Variants in TRIP10 observed in about 807,000 individuals in gnomAD.
The protein encoded by TRIP10 is thyroid hormone receptor interactor 10.
A neutral mutation model predicts 80.9 loss-of-function variants in TRIP10; 54 were observed. That is an observed-to-expected ratio of 0.67 (90% CI 0.54 to 0.84). The LOEUF is 0.84. Among genes scored for constraint, TRIP10 ranks in the 40% least tolerant of loss-of-function variants. The probability of loss-of-function intolerance (pLI) is 0.00; values close to 1 mark genes in which losing one functional copy is unlikely to be tolerated. For synonymous variants in TRIP10, 321 were observed against 307.2 expected, an observed-to-expected ratio of 1.04 and a Z score of -0.47; for missense variants, 773 against 815.3, an observed-to-expected ratio of 0.95 and a Z score of 0.63.
Position 6,746,033 on chromosome 19 carries a change from GCCCCCCACCCCTCT to G in TRIP10, c.996_1009del (p.Pro333GlyfsTer10). On this transcript the variant is annotated frameshift_variant, in exon 10 of 15. Coordinates refer to ENST00000313244, the MANE Select transcript of TRIP10 (RefSeq NM_001288962.2). LOFTEE classifies it high-confidence loss of function. The surrounding 1 kb of genome is among the most constrained non-coding windows in gnomAD (Gnocchi z 6.2). The stretch of plus-strand genomic sequence containing the variant: ...CTCCCCGGCCCCCGCCGGTAGCCTC[GCCCCCCACCCCTCT>G]CCCCCCTGGGGGGCCCCGTACCCTC... 1 of 638,562 alleles carries G rather than the reference GCCCCCCACCCCTCT, an allele frequency of 1.6e-6. No homozygotes were observed. Among genetic ancestry groups the G allele is most frequent in the South Asian group, 6.2e-5 (1 of 16,180 alleles). 39.6% of individuals were successfully genotyped at this position (638,562 alleles called of 1,614,324 possible).
chr19:6,741,154 G>A (rs748617146), intron 2 of TRIP10, 29 bp downstream of exon 2: 5 of 1,613,964 alleles, frequency 3.1e-6, no homozygotes, highest in South Asian at 1.1e-5. Context: ...CGCTACGGAG[G>A]ACGCGCCTGG....
In TRIP10 at chr19:6,743,506, T is replaced by C; in HGVS notation, c.421T>C (p.Phe141Leu). ...GTCCCCTACACAGAGTAAGCGTAAA[T>C]TTGAGCGGGACTGCCGGGAGGCAGA... ...FKQLENSKRK[F>L]ERDCREAEKA... The change falls in exon 6 of 15, where the codon TTT becomes CTT. Residue 141 changes from phenylalanine (F) to leucine (L), a missense_variant. Coordinates refer to ENST00000313244, the MANE Select transcript of TRIP10 (RefSeq NM_001288962.2). 3 of 1,613,552 alleles carry C rather than the reference T, an allele frequency of 1.9e-6. No individual in the cohort carries two copies. The highest frequency in any genetic ancestry group is 1.7e-6 in the Non-Finnish European group (2 of 1,179,852).
rs777132596 is a variant in TRIP10, at chr19:6,743,686, C to T, written c.514-22C>T. 2.5e-6 allele frequency: 4 copies of T among 1,613,464 alleles called. No homozygotes were observed. In the Admixed American group the frequency reaches 5.0e-5, roughly 20 times the overall value. ...GGACGTGATCGGAACCTGGCAGTAC[C>T]TTCCACCTCTGCATTCTTCAGGCCA... On this transcript the variant is annotated intron_variant, in intron 6 of 14. Coordinates refer to ENST00000313244, the MANE Select transcript of TRIP10 (RefSeq NM_001288962.2).
At position 6,744,419 on chromosome 19, in the gene TRIP10, C is replaced by G; in HGVS notation, c.643-135C>G. 7.6e-7 allele frequency: 1 copy of G among 1,323,208 alleles called. No individual in the cohort carries two copies. The highest frequency in any genetic ancestry group is 1.0e-6 in the Non-Finnish European group (1 of 955,866). 82.0% of individuals were successfully genotyped at this position (1,323,208 alleles called of 1,614,324 possible). A position where few individuals can be genotyped will look rare whatever the true frequency, so the allele number is the denominator to read the frequency against. ...CCACAGTGGGCTGGAGTCTCTCTTC[C>G]CGACTCTGTCTTCCCCTCCAGACTG... On this transcript the variant is annotated intron_variant, in intron 7 of 14. Transcript: ENST00000313244. The surrounding 1 kb of genome is among the most constrained non-coding windows in gnomAD (Gnocchi z 4.9).
In TRIP10 at chr19:6,746,782, A is replaced by G. The variant is rs901407429; in HGVS notation, c.1262+221A>G. Among the ~76,000 whole-genome samples the G allele has an allele frequency of 2.7e-4, 41 of 152,122 alleles. 1 individual carries two copies. The highest frequency in any genetic ancestry group is 9.9e-4 in the African/African-American group (41 of 41,396). ...ATTCTTGTGCCTCAGCCTGCCGATTAGCTAGGACCACAGGCATGCACCAGC... is the reference window on the plus strand; with the variant it reads ...ATTCTTGTGCCTCAGCCTGCCGATTGGCTAGGACCACAGGCATGCACCAGC... On this transcript the variant is annotated intron_variant, in intron 11 of 14. Transcript: ENST00000313244. This position sits in a 1 kb window ranked among gnomAD's most constrained non-coding sequence, Gnocchi z 6.2.
rs145584075 is a variant in TRIP10, at chr19:6,743,615, CGG to C, written c.513+26_513+27del. 239 of 770,032 alleles carry C rather than the reference CGG, an allele frequency of 3.1e-4. No individual in the cohort carries two copies. The highest frequency in any genetic ancestry group is 9.0e-4 in the Admixed American group (28 of 30,974). 47.7% of individuals were successfully genotyped at this position (770,032 alleles called of 1,614,324 possible). On this transcript the variant is annotated intron_variant, in intron 6 of 14. Transcript: ENST00000313244. ...GTGGAGAAGGTGTGTGTGGCGGGGG[CGG>C]GGGGGGGGTGCGGGGTCTGGGACAA...
In TRIP10 at chr19:6,745,025, G is replaced by A; in HGVS notation, c.984+31G>A. Reference sequence around the variant, plus strand: ...GGCCGGGACCCTTGGGATGGTGGGGGAGAAGGACAGTGAAGTGGGGACAGT... The same window carrying A: ...GGCCGGGACCCTTGGGATGGTGGGGAAGAAGGACAGTGAAGTGGGGACAGT... On this transcript the variant is annotated intron_variant, in intron 9 of 14. Coordinates refer to ENST00000313244, the MANE Select transcript of TRIP10 (RefSeq NM_001288962.2). This position sits in a 1 kb window ranked among gnomAD's most constrained non-coding sequence, Gnocchi z 7.2. 2.5e-6 allele frequency: 4 copies of A among 1,604,032 alleles called. No individual in the cohort carries two copies. The highest frequency in any genetic ancestry group is 3.4e-6 in the Non-Finnish European group (4 of 1,175,444).
In TRIP10 at chr19:6,744,948, C is replaced by G; in HGVS notation, c.938C>G (p.Pro313Arg). Residue 313 changes from proline (P) to arginine (R), a missense_variant, in exon 9 of 15, where the codon CCG (proline) becomes CGG (arginine). Coordinates refer to ENST00000313244, the MANE Select transcript of TRIP10 (RefSeq NM_001288962.2). This position sits in a 1 kb window ranked among gnomAD's most constrained non-coding sequence, Gnocchi z 4.9. The stretch of plus-strand genomic sequence containing the variant: ...GATGGACGGCCTGAACTCCGAGGCC[C>G]GGGTCGCAGCCGCACCAAGCGCTGG... ...PSDGRPELRG[P>R]GRSRTKRWPF... 1.2e-6 allele frequency: 2 copies of G among 1,614,012 alleles called. No homozygotes were observed. The highest frequency in any genetic ancestry group is 1.1e-5 in the South Asian group (1 of 91,080).
chr19:6,745,077 C>CACCTG lies in TRIP10; in HGVS notation c.984+83_984+84insACCTG. On this transcript the variant is annotated intron_variant, in intron 9 of 14. Coordinates refer to ENST00000313244, the MANE Select transcript of TRIP10 (RefSeq NM_001288962.2). The surrounding 1 kb of genome is among the most constrained non-coding windows in gnomAD (Gnocchi z 7.2). ...GGGCCCCTATTGAGTCAGCCCCAGC[C>CACCTG]GCCTGAACGCCGAGTCTCGGGCAGG... 6.8e-7 allele frequency: 1 copy of CACCTG among 1,472,092 alleles called. No homozygotes were observed. Among genetic ancestry groups the CACCTG allele is most frequent in the Non-Finnish European group, 9.0e-7 (1 of 1,107,890 alleles). The allele number at this position is 1,472,092 out of a possible 1,614,324, so 91.2% of individuals were successfully genotyped here.
At chr19:6,747,440 G>A (rs7248547) in intron 11 of TRIP10, among the ~76,000 whole-genome samples, 1,689 of 152,208 alleles carry the variant, frequency 0.011, 30 homozygotes, top group African/African-American at 0.039. Context: ...CCAAATCTGT[G>A]GCCAAGAATT....
intron 3 of TRIP10, 71 bp from the exon 4 acceptor site, chr19:6,742,896 C>A: frequency 6.4e-7 from 1 of 1,561,864 alleles, no homozygotes; most frequent in Admixed American, 1.9e-5. Flanking sequence ...CCTGGAGGTG[C>A]GTCCTGGGGC....
Position 6,744,817 on chromosome 19 carries a change from A to G in TRIP10, c.807A>G (p.Ile269Met), listed in dbSNP as rs2145541551. The G allele has an allele frequency of 6.2e-7, 1 of 1,613,946 alleles. No homozygotes were observed. Among genetic ancestry groups the G allele is most frequent in the Non-Finnish European group, 8.5e-7 (1 of 1,179,898 alleles). The change falls in exon 9 of 15, where the codon ATA becomes ATG. Residue 269 changes from isoleucine to methionine, a missense_variant. Physicochemically the swap from Ile to Met is conservative, Grantham distance 10. Coordinates refer to ENST00000313244, the MANE Select transcript of TRIP10 (RefSeq NM_001288962.2). This position sits in a 1 kb window ranked among gnomAD's most constrained non-coding sequence, Gnocchi z 4.9. ...TCCCCCAGGACTCCCACGTCCTTATAGAGCTGCACAAGTCAGGTTTTGCCC... is the reference window on the plus strand; with the variant it reads ...TCCCCCAGGACTCCCACGTCCTTATGGAGCTGCACAAGTCAGGTTTTGCCC... ...VDPKNDSHVL[I>M]ELHKSGFARP...
chr19:6,743,622 G>C (rs532366985), intron 6 of TRIP10, 24 bp downstream of exon 6: 6 of 1,348,464 alleles, frequency 4.4e-6, no homozygotes, highest in Non-Finnish European at 6.3e-6. Context: ...GGGCGGGGGG[G>C]GGGTGCGGGG....
At chr19:6,742,846 C>G in intron 3 of TRIP10, 121 bp from the exon 4 acceptor site, 1 of 1,346,788 alleles carries the variant, frequency 7.4e-7, no homozygotes, top group Admixed American at 2.3e-5. Context: ...AATTTGTCAT[C>G]GCTTCAGGGA....
At chr19:6,739,834 C>G in intron 1 of TRIP10, 49 bp downstream of exon 1, 1 of 1,411,564 alleles carries the variant, frequency 7.1e-7, no homozygotes, top group Non-Finnish European at 9.3e-7. Context: ...GGGGTCCAGG[C>G]ACCCCCCTTT....
At chr19:6,749,052 T>C (rs1478790485) in intron 11 of TRIP10, among the ~76,000 whole-genome samples, 1 of 152,174 alleles carries the variant, frequency 6.6e-6, no homozygotes, top group Non-Finnish European at 1.5e-5. Flanking sequence ...TAGTGTTATA[T>C]TTATCTTTAT....
Position 6,746,045 on chromosome 19 carries a change from T to G in TRIP10, c.1001T>G (p.Leu334Arg). 53 of 232,792 alleles carry G rather than the reference T, an allele frequency of 2.3e-4. No homozygotes were observed. Among genetic ancestry groups the G allele is most frequent in the Admixed American group, 4.0e-4 (1 of 2,528 alleles). 14.4% of individuals were successfully genotyped at this position (232,792 alleles called of 1,614,324 possible). The change falls in exon 10 of 15, where the codon CTC becomes CGC. Residue 334 changes from leucine to arginine, a missense_variant. By Grantham distance (102) the Leu-to-Arg change is moderately radical (BLOSUM62 -2). Coordinates refer to ENST00000313244, the MANE Select transcript of TRIP10 (RefSeq NM_001288962.2). This position sits in a 1 kb window ranked among gnomAD's most constrained non-coding sequence, Gnocchi z 6.2. ...CGCCGGTAGCCTCGCCCCCCACCCC[T>G]CTCCCCCCTGGGGGGCCCCGTACCC... ...GKKNKPRPPP[L>R]SPLGGPVPSA...
At chr19:6,750,766 C>A in intron 14 of TRIP10, 133 bp downstream of exon 14, 1 of 1,354,930 alleles carries the variant, frequency 7.4e-7, no homozygotes, top group Admixed American at 2.5e-5. Context: ...GAAGCTGAGG[C>A]AGGCAGATCA....
Position 6,741,000 on chromosome 19 carries a change from C to G in TRIP10, c.25-10C>G. 2 of 1,610,412 alleles carry G rather than the reference C, an allele frequency of 1.2e-6. No homozygotes were observed. Among genetic ancestry groups the G allele is most frequent in the Non-Finnish European group, 1.7e-6 (2 of 1,177,314 alleles). ...CCTCTCCCCTCCTCCCCCACCATGTCCCATGTCAGGATCAGTTCGAGGTGC... is the reference window on the plus strand; with the variant it reads ...CCTCTCCCCTCCTCCCCCACCATGTGCCATGTCAGGATCAGTTCGAGGTGC... On this transcript the variant is annotated splice_polypyrimidine_tract_variant and intron_variant, in intron 1 of 14. Transcript: ENST00000313244.
Sources: gnomAD v4.1 joint callset for allele counts (sites outside exome capture counted in the v4.1 genomes callset) on GRCh38, gnomAD v4.1.1 for gene constraint, Gnocchi (gnomAD v3.1) non-coding constraint, MANE v1.5 for transcripts, NCBI Gene and HGNC (gene_info 2026-07-23, HGNC 2026-07-21) for gene names.